Variants in EIPR1 observed in about 807,000 individuals in gnomAD.
The protein encoded by EIPR1 is EARP complex and GARP complex interacting protein 1.
EIPR1 carries 25 observed loss-of-function variants against 48.1 expected under a neutral mutation model. The ratio of observed to expected loss-of-function variants is 0.52; its 90% CI spans 0.38 to 0.73. EIPR1 has a LOEUF of 0.73. Among genes scored for constraint, EIPR1 ranks in the 30% least tolerant of loss-of-function variants. The pLI, the probability that EIPR1 is intolerant of heterozygous loss-of-function variation, is 0.00. For missense variants in EIPR1, 415 were observed against 506.2 expected, an observed-to-expected ratio of 0.82 and a Z score of 1.73; for synonymous variants, 204 against 201.9, an observed-to-expected ratio of 1.01 and a Z score of -0.09.
chr2:3,285,385 G>A (rs1027178408), intron 3 of EIPR1, among the ~76,000 whole-genome samples: 1 of 117,680 alleles, frequency 8.5e-6, no homozygotes, highest in African/African-American at 3.3e-5. Context: ...AACACCCACC[G>A]CCTGCCCAGC....
At chr2:3,220,382 A>G (rs182477384) in intron 4 of EIPR1, among the ~76,000 whole-genome samples, 92 of 151,978 alleles carry the variant, frequency 6.1e-4, no homozygotes, top group African/African-American at 2.0e-3. Flanking sequence ...AGTCAAGTGC[A>G]CGTGCACACA....
At chr2:3,196,058 C>A (rs1028004021) in intron 6 of EIPR1, among the ~76,000 whole-genome samples, 6 of 152,232 alleles carry the variant, frequency 3.9e-5, no homozygotes, top group African/African-American at 1.4e-4. Context: ...ACGTTCATCA[C>A]GGGCTGAGTC....
intron 6 of EIPR1, among the ~76,000 whole-genome samples, chr2:3,196,467 G>A (rs1040613177): frequency 2.0e-5 from 3 of 152,128 alleles, no homozygotes; most frequent in Non-Finnish European, 4.4e-5. Flanking sequence ...CTATAGGTGT[G>A]TCTCCAGAAG....
chr2:3,229,177 C>T (rs1666160793), intron 4 of EIPR1, among the ~76,000 whole-genome samples: 1 of 152,150 alleles, frequency 6.6e-6, no homozygotes, highest in South Asian at 2.1e-4. Flanking sequence ...TTTGTAAAAT[C>T]AACCAGAAAA....
intron 3 of EIPR1, among the ~76,000 whole-genome samples, chr2:3,296,152 C>T (rs1490149041): frequency 2.1e-5 from 3 of 144,930 alleles, no homozygotes; most frequent in Admixed American, 6.8e-5. Flanking sequence ...CACACACACC[C>T]TCCATCCAGC....
intron 1 of EIPR1, among the ~76,000 whole-genome samples, chr2:3,357,559 CAT>C (rs1381590756): frequency 2.0e-5 from 3 of 152,224 alleles, no homozygotes; most frequent in Non-Finnish European, 2.9e-5. Context: ...TTCAACCACT[CAT>C]ACACTGCTGA....
At position 3,197,025 on chromosome 2, in the gene EIPR1, T is replaced by C. The variant is rs774278068; in HGVS notation, c.517-8A>G. The C allele has an allele frequency of 1.2e-6, 2 of 1,612,540 alleles. No homozygotes were observed. The highest frequency in any genetic ancestry group is 8.5e-7 in the Non-Finnish European group (1 of 1,179,510). ...GGACGCTGAGCTGGCCAGCTGGGAGTGTCACGATGTTTTCCAAAGGAAGAA... is the reference window on the plus strand; with the variant it reads ...GGACGCTGAGCTGGCCAGCTGGGAGCGTCACGATGTTTTCCAAAGGAAGAA... On this transcript the variant is annotated splice_region_variant and splice_polypyrimidine_tract_variant and intron_variant, in intron 5 of 8. Coordinates refer to ENST00000382125, the MANE Select transcript of EIPR1 (RefSeq NM_003310.5).
At position 3,295,564 on chromosome 2, in the gene EIPR1, T is replaced by TA. The variant is rs1229668150; in HGVS notation, c.260-38110_260-38109insT. Among the ~76,000 whole-genome samples, 961 of 111,982 alleles carry TA rather than the reference T, an allele frequency of 8.6e-3. 146 individuals carry two copies. Among genetic ancestry groups the TA allele is most frequent in the Middle Eastern group, 0.014 (2 of 140 alleles). The allele number at this position is 111,982 out of a possible 152,430, so 73.5% of individuals were successfully genotyped here. A position where few individuals can be genotyped will look rare whatever the true frequency, so the allele number is the denominator to read the frequency against. Reference sequence around the variant, plus strand: ...CACCCTCCATCCAGCCCATCCTCTCTCCACACACACACCCTCCATCCAGCC... The same window carrying TA: ...CACCCTCCATCCAGCCCATCCTCTCTACCACACACACACCCTCCATCCAGCC... On this transcript the variant is annotated intron_variant, in intron 3 of 8. Transcript: ENST00000382125.
intron 4 of EIPR1, among the ~76,000 whole-genome samples, chr2:3,221,842 A>T (rs1044203303): frequency 6.6e-6 from 1 of 152,210 alleles, no homozygotes; most frequent in African/African-American, 2.4e-5. Flanking sequence ...GCCGAGATAC[A>T]CTCTAGAGCA....
chr2:3,350,733 C>T (rs139090105), intron 2 of EIPR1, among the ~76,000 whole-genome samples: 69 of 152,236 alleles, frequency 4.5e-4, no homozygotes, highest in African/African-American at 1.5e-3. Context: ...GTCAAAAACA[C>T]AGCTTCATAC....
intron 1 of EIPR1, among the ~76,000 whole-genome samples, chr2:3,368,721 T>C (rs1000444592): frequency 1.3e-5 from 2 of 152,250 alleles, no homozygotes; most frequent in Non-Finnish European, 2.9e-5. Flanking sequence ...AACTGACAAG[T>C]ATTCATTAAA....
chr2:3,373,792 G>T, intron 1 of EIPR1, among the ~76,000 whole-genome samples: 1 of 151,382 alleles, frequency 6.6e-6, no homozygotes, highest in East Asian at 1.9e-4. Flanking sequence ...TCGTGAAAAT[G>T]GCCATACTGC....
Position 3,252,155 on chromosome 2 carries a change from T to C in EIPR1, c.416+5144A>G, listed in dbSNP as rs557041755. On this transcript the variant is annotated intron_variant, in intron 4 of 8. Coordinates refer to ENST00000382125, the MANE Select transcript of EIPR1 (RefSeq NM_003310.5). ...TCAAATACGCGGAGTGTCCGCCCTG[T>C]GCTGTCCTTGGTGCTGAGGACACAG... Among the ~76,000 whole-genome samples the C allele has an allele frequency of 6.2e-4, 95 of 152,368 alleles. 1 individual carries two copies. The Middle Eastern group carries it at 0.024, about 38-fold the overall frequency.
chr2:3,344,603 G>C (rs1484894570), intron 2 of EIPR1, among the ~76,000 whole-genome samples: 1 of 115,318 alleles, frequency 8.7e-6, no homozygotes, highest in Non-Finnish European at 1.8e-5. Flanking sequence ...AGATCCCTTT[G>C]TTCTAATAGA....
chr2:3,277,082 CAGTAAAAACA>C (rs1667871076), intron 3 of EIPR1, among the ~76,000 whole-genome samples: 1 of 152,194 alleles, frequency 6.6e-6, no homozygotes, highest in Non-Finnish European at 1.5e-5. Flanking sequence ...GAGGAAGTCT[CAGTAAAAACA>C]AGTTATTCAA....
chr2:3,371,973 T>C (rs1480613560), intron 1 of EIPR1, among the ~76,000 whole-genome samples: 1 of 152,056 alleles, frequency 6.6e-6, no homozygotes. Flanking sequence ...ATTGACCACA[T>C]AGTTGGAAGT....
chr2:3,248,147 A>T (rs1666894500), intron 4 of EIPR1, among the ~76,000 whole-genome samples: 1 of 152,032 alleles, frequency 6.6e-6, no homozygotes, highest in African/African-American at 2.4e-5. Context: ...CACAATCTGG[A>T]TGTTTAAAAG....
In EIPR1 at chr2:3,310,601, C is replaced by T. The variant is rs978374967; in HGVS notation, c.259+27416G>A. Among the ~76,000 whole-genome samples, 532 of 142,668 alleles carry T rather than the reference C, an allele frequency of 3.7e-3. 4 individuals carry two copies. Among genetic ancestry groups the T allele is most frequent in the African/African-American group, 0.013 (510 of 38,044 alleles). 93.6% of individuals were successfully genotyped at this position (142,668 alleles called of 152,430 possible). On this transcript the variant is annotated intron_variant, in intron 3 of 8. Coordinates refer to ENST00000382125, the MANE Select transcript of EIPR1 (RefSeq NM_003310.5). ...CCGGGAGGCGGAGCTTGCAGTGAGC[C>T]GAGATCCCGCCACTGCACTCCAGCC...
intron 5 of EIPR1, among the ~76,000 whole-genome samples, chr2:3,199,867 TGGGTGTGTCTGCATCTGGGCAGGCATGGG>T (rs1664962105): frequency 1.3e-4 from 9 of 70,948 alleles, no homozygotes; most frequent in Admixed American, 6.2e-4. Flanking sequence ...AGAGGTGACA[TGGGTGTGTCTGCATCTGGGCAGGCATGGG>T]GGGTGTGTCT....
Sources: gnomAD v4.1 joint callset for allele counts (sites outside exome capture counted in the v4.1 genomes callset) on GRCh38, gnomAD v4.1.1 for gene constraint, MANE v1.5 for transcripts, NCBI Gene and HGNC (gene_info 2026-07-23, HGNC 2026-07-21) for gene names.